The following SIK3 variants were observed in gnomAD, a reference collection of about 807,000 sequenced individuals.
SIK3 encodes the protein serine/threonine-protein kinase SIK3.
Under a neutral mutation model 144.2 loss-of-function variants are expected in SIK3, and 28 were observed. The ratio of observed to expected loss-of-function variants is 0.19; its 90% CI spans 0.14 to 0.27. The LOEUF is 0.27. Ranked by LOEUF, SIK3 falls within the 10% of genes least tolerant of loss-of-function variation. The pLI, the probability that SIK3 is intolerant of heterozygous loss-of-function variation, is 1.00. For synonymous variants in SIK3, 686 were observed against 676.3 expected, an observed-to-expected ratio of 1.01 and a Z score of -0.22; for missense variants, 1,319 against 1,776.0, an observed-to-expected ratio of 0.74 and a Z score of 4.62.
intron 6 of SIK3, among the ~76,000 whole-genome samples, chr11:116,884,120 T>C (rs192256302): frequency 6.6e-6 from 1 of 152,330 alleles, no homozygotes; most frequent in East Asian, 1.9e-4. Context: ...GGAATGCTTT[T>C]ATTCTATACA....
At chr11:116,892,679 C>T (rs143779352) in intron 6 of SIK3, among the ~76,000 whole-genome samples, 7 of 152,282 alleles carry the variant, frequency 4.6e-5, no homozygotes, top group African/African-American at 1.7e-4. Flanking sequence ...CAAAACTATC[C>T]ATGCTCTTAC....
intron 1 of SIK3, among the ~76,000 whole-genome samples, chr11:116,983,708 G>A (rs1950229075): frequency 6.6e-6 from 1 of 151,648 alleles, no homozygotes; most frequent in African/African-American, 2.4e-5. Context: ...TACTTCACAT[G>A]TTTTAAACAC....
chr11:117,031,226 C>G (rs1005419249), intron 1 of SIK3, among the ~76,000 whole-genome samples: 2 of 152,042 alleles, frequency 1.3e-5, no homozygotes, highest in South Asian at 4.1e-4. Context: ...AACTCTTTGC[C>G]TAGCTCTATA....
At chr11:117,017,122 T>C (rs541003565) in intron 1 of SIK3, among the ~76,000 whole-genome samples, 1 of 152,214 alleles carries the variant, frequency 6.6e-6, no homozygotes, top group African/African-American at 2.4e-5. Context: ...CTGAGTGCAA[T>C]GGCACGTGCC....
rs1197108753 is a variant in SIK3 at position 116,844,608 on chromosome 11, T to TTA, written c.*1033_*1034dup. On this transcript the variant is annotated 3_prime_UTR_variant, in exon 25 of 25. Transcript: ENST00000445177. ...TATATATATATATTTTATATATATA[T>TTA]TATATATATAATATATATATAATAT... 1 of 55,890 alleles carries TTA rather than the reference T, an allele frequency of 1.8e-5. No homozygotes were observed. The highest frequency in any genetic ancestry group is 3.7e-5 in the Non-Finnish European group (1 of 27,264). 3.5% of individuals were successfully genotyped at this position (55,890 alleles called of 1,614,324 possible).
chr11:116,983,194 A>C (rs1376163849), intron 1 of SIK3, among the ~76,000 whole-genome samples: 1 of 145,188 alleles, frequency 6.9e-6, no homozygotes, highest in Non-Finnish European at 1.5e-5. Flanking sequence ...GCCACTGCAC[A>C]CCAGCCTGGG....
chr11:116,858,797 G>A lies in SIK3; in HGVS notation c.2766-98C>T. The A allele has an allele frequency of 6.8e-7, 1 of 1,473,592 alleles. No homozygotes were observed. Among genetic ancestry groups the A allele is most frequent in the Non-Finnish European group, 9.0e-7 (1 of 1,106,406 alleles). The allele number at this position is 1,473,592 out of a possible 1,614,324, so 91.3% of individuals were successfully genotyped here. On this transcript the variant is annotated intron_variant, in intron 20 of 24. Transcript: ENST00000445177. The surrounding 1 kb of genome is among the most constrained non-coding windows in gnomAD (Gnocchi z 5.4). ...TCAGTAGGGAGAACCCACTGGTACA[G>A]AGAACTGTGGTGTGACAGAGAAGTG...
intron 3 of SIK3, among the ~76,000 whole-genome samples, chr11:116,943,630 C>A (rs1481536597): frequency 6.6e-6 from 1 of 152,140 alleles, no homozygotes; most frequent in African/African-American, 2.4e-5. Flanking sequence ...TCAAATTCTG[C>A]CATCACCTAG....
intron 6 of SIK3, among the ~76,000 whole-genome samples, chr11:116,888,712 A>C (rs547351974): frequency 1.3e-5 from 2 of 152,354 alleles, no homozygotes; most frequent in East Asian, 3.9e-4. Flanking sequence ...CTAATCATAC[A>C]AAAACTTGTA....
intron 3 of SIK3, among the ~76,000 whole-genome samples, chr11:116,939,737 T>C (rs182887996): frequency 1.1e-4 from 17 of 152,304 alleles, no homozygotes; most frequent in Non-Finnish European, 2.2e-4. Context: ...ACATGTTGAA[T>C]GACACAATAA....
At chr11:117,029,624 G>A (rs1952170018) in intron 1 of SIK3, among the ~76,000 whole-genome samples, 1 of 152,120 alleles carries the variant, frequency 6.6e-6, no homozygotes, top group Non-Finnish European at 1.5e-5. Flanking sequence ...ACAAATTAGA[G>A]AGCTATTTTG....
At chr11:117,049,323 AT>A (rs1411122654) in intron 1 of SIK3, among the ~76,000 whole-genome samples, 1 of 152,160 alleles carries the variant, frequency 6.6e-6, no homozygotes, top group Non-Finnish European at 1.5e-5. Context: ...CATGACTGTA[AT>A]CCCAGCACTT....
chr11:116,959,712 A>T (rs2135413015), intron 1 of SIK3, among the ~76,000 whole-genome samples: 1 of 152,284 alleles, frequency 6.6e-6, no homozygotes, highest in South Asian at 2.1e-4. Context: ...GTAAACAGAG[A>T]TTGTGTGGCT....
chr11:116,971,108 C>G (rs976400850), intron 1 of SIK3, among the ~76,000 whole-genome samples: 2 of 152,196 alleles, frequency 1.3e-5, no homozygotes, highest in African/African-American at 4.8e-5. Flanking sequence ...CCCAGAAAAG[C>G]CTTGGCATTT....
intron 1 of SIK3, among the ~76,000 whole-genome samples, chr11:116,997,899 A>C (rs1428765579): frequency 6.6e-6 from 1 of 152,174 alleles, no homozygotes; most frequent in Non-Finnish European, 1.5e-5. Flanking sequence ...TCACTTTGTC[A>C]CCCAGACTGC....
intron 1 of SIK3, among the ~76,000 whole-genome samples, chr11:117,047,272 T>C (rs1278070952): frequency 1.3e-5 from 2 of 152,196 alleles, no homozygotes; most frequent in South Asian, 2.1e-4. Context: ...GGAAGATACC[T>C]TGATAAAAGG....
At chr11:116,994,872 A>C (rs185000149) in intron 1 of SIK3, among the ~76,000 whole-genome samples, 549 of 151,184 alleles carry the variant, frequency 3.6e-3, no homozygotes, top group Middle Eastern at 7.1e-3. Flanking sequence ...AAACAGCCCC[A>C]AATTTTTGTG....
chr11:116,878,417 C>T (rs1351792397), intron 6 of SIK3, among the ~76,000 whole-genome samples: 1 of 150,092 alleles, frequency 6.7e-6, no homozygotes, highest in Non-Finnish European at 1.5e-5. Context: ...CTCGCTCTGT[C>T]ACCCAGGCTG....
At chr11:117,012,849 C>CTTTTTTTTTT in intron 1 of SIK3, among the ~76,000 whole-genome samples, 1 of 96,066 alleles carries the variant, frequency 1.0e-5, no homozygotes, top group Non-Finnish European at 1.9e-5. Context: ...GCCATTACTG[C>CTTTTTTTTTT]TTTTTTTTTT....
Sources: gnomAD v4.1 joint callset for allele counts (sites outside exome capture counted in the v4.1 genomes callset) on GRCh38, gnomAD v4.1.1 for gene constraint, Gnocchi (gnomAD v3.1) non-coding constraint, MANE v1.5 for transcripts, NCBI Gene and HGNC (gene_info 2026-07-23, HGNC 2026-07-21) for gene names.